CACNG3: variants seen among roughly 807,000 people sequenced by gnomAD.
CACNG3 encodes calcium voltage-gated channel auxiliary subunit gamma 3.
A neutral mutation model predicts 28.5 loss-of-function variants in CACNG3; 3 were observed. The observed-to-expected ratio is 0.11, with a 90% confidence interval of 0.05 to 0.27. The LOEUF (loss-of-function observed/expected upper bound fraction) is 0.27. Ranked by LOEUF, CACNG3 falls within the 10% of genes least tolerant of loss-of-function variation. The pLI, the probability that CACNG3 is intolerant of heterozygous loss-of-function variation, is 1.00. For synonymous variants in CACNG3, 174 were observed against 162.2 expected (o/e 1.07, Z -0.55); for missense variants, 236 against 414.4 (o/e 0.57, Z 3.74).
chr16:24,285,919 C>A (rs1367361273), intron 1 of CACNG3, among the ~76,000 whole-genome samples: 1 of 150,798 alleles, frequency 6.6e-6, no homozygotes, highest in Non-Finnish European at 1.5e-5. Flanking sequence ...TCTCAGCTCA[C>A]TGCCACCTCC....
intron 1 of CACNG3, among the ~76,000 whole-genome samples, chr16:24,290,372 A>G (rs1898950742): frequency 1.3e-5 from 2 of 152,214 alleles, no homozygotes; most frequent in South Asian, 4.1e-4. Flanking sequence ...GTAGTTCATA[A>G]GGTTGACCGT....
At chr16:24,299,748 G>T (rs369746841) in intron 1 of CACNG3, among the ~76,000 whole-genome samples, 1 of 152,090 alleles carries the variant, frequency 6.6e-6, no homozygotes, top group Non-Finnish European at 1.5e-5. Context: ...CCAGTATGAC[G>T]TGGTTCATTC....
At chr16:24,290,741 T>C (rs1898955671) in intron 1 of CACNG3, among the ~76,000 whole-genome samples, 1 of 152,108 alleles carries the variant, frequency 6.6e-6, no homozygotes. Flanking sequence ...ACCCAGCCTA[T>C]GGGTTGTTTT....
intron 1 of CACNG3, among the ~76,000 whole-genome samples, chr16:24,336,801 TTTGTTG>T (rs369517776): frequency 6.6e-6 from 1 of 151,904 alleles, no homozygotes; most frequent in Non-Finnish European, 1.5e-5. Flanking sequence ...GATTTTCTTT[TTTGTTG>T]TTGTTGTTGT....
chr16:24,311,759 G>A (rs1255541399), intron 1 of CACNG3, among the ~76,000 whole-genome samples: 1 of 151,938 alleles, frequency 6.6e-6, no homozygotes, highest in Non-Finnish European at 1.5e-5. Context: ...GGGAGGCTGA[G>A]GCAGGAGAAT....
intron 1 of CACNG3, among the ~76,000 whole-genome samples, chr16:24,267,797 G>A (rs1041964018): frequency 2.0e-5 from 3 of 152,068 alleles, no homozygotes; most frequent in Non-Finnish European, 4.4e-5. Flanking sequence ...AGCCACCCAA[G>A]TAGCTGGGAC....
chr16:24,281,354 T>A (rs748554876), intron 1 of CACNG3, among the ~76,000 whole-genome samples: 9 of 150,766 alleles, frequency 6.0e-5, no homozygotes, highest in Non-Finnish European at 1.2e-4. Flanking sequence ...TGCACCACCA[T>A]ACCCAGCTAA....
rs867074954 is a variant in CACNG3 at position 24,351,756 on chromosome 16, G to A, written c.296-3077G>A. On this transcript the variant is annotated intron_variant, in intron 2 of 3. Transcript: ENST00000005284. Reference sequence around the variant, plus strand: ...GAGAGAAAGGAAGGAAGGAAGGAAGGAAGAGAGAGAGAGAAAGAAAGATTG... The same window carrying A: ...GAGAGAAAGGAAGGAAGGAAGGAAGAAAGAGAGAGAGAGAAAGAAAGATTG... Among the ~76,000 whole-genome samples the A allele has an allele frequency of 6.7e-3, 130 of 19,530 alleles. 1 individual carries two copies. Among genetic ancestry groups the A allele is most frequent in the Admixed American group, 0.011 (23 of 2,084 alleles). 12.8% of individuals were successfully genotyped at this position (19,530 alleles called of 152,430 possible).
chr16:24,273,141 A>C (rs758006241), intron 1 of CACNG3, among the ~76,000 whole-genome samples: 1 of 152,194 alleles, frequency 6.6e-6, no homozygotes, highest in African/African-American at 2.4e-5. Context: ...ACATTAAATC[A>C]TATGGAAGGG....
intron 1 of CACNG3, among the ~76,000 whole-genome samples, chr16:24,308,839 CAAAAAAAAAA>C (rs71154298): frequency 6.6e-4 from 18 of 27,272 alleles, no homozygotes; most frequent in Middle Eastern, 0.038. Flanking sequence ...GAACCTACCT[CAAAAAAAAAA>C]AAAAAAAAAA....
chr16:24,317,589 A>AG, intron 1 of CACNG3, among the ~76,000 whole-genome samples: 1 of 68,196 alleles, frequency 1.5e-5, no homozygotes, highest in East Asian at 4.0e-4. Context: ...AAAGAAAGAA[A>AG]GAAAGAAAGA....
chr16:24,333,137 G>A (rs1282538639), intron 1 of CACNG3, among the ~76,000 whole-genome samples: 1 of 152,072 alleles, frequency 6.6e-6, no homozygotes, highest in African/African-American at 2.4e-5. Context: ...TTATGATCTT[G>A]TCAGGGAAGG....
intron 1 of CACNG3, among the ~76,000 whole-genome samples, chr16:24,344,068 T>A (rs1362241499): frequency 6.6e-6 from 1 of 151,030 alleles, no homozygotes; most frequent in African/African-American, 2.4e-5. Context: ...CGAGATTCCG[T>A]CTCAAAAAAA....
chr16:24,312,933 A>AAGAG (rs1899286752), intron 1 of CACNG3, among the ~76,000 whole-genome samples: 1 of 92,102 alleles, frequency 1.1e-5, no homozygotes. Flanking sequence ...GAAAGAAAGA[A>AAGAG]AGAAAGAAAG....
At chr16:24,308,603 C>T (rs1288277794) in intron 1 of CACNG3, among the ~76,000 whole-genome samples, 2 of 151,600 alleles carry the variant, frequency 1.3e-5, no homozygotes, top group Non-Finnish European at 2.9e-5. Context: ...ACCTGTAATC[C>T]CAGCACTTTG....
chr16:24,355,379 G>GA (rs1900016352), intron 3 of CACNG3, among the ~76,000 whole-genome samples: 1 of 152,210 alleles, frequency 6.6e-6, no homozygotes, highest in African/African-American at 2.4e-5. Flanking sequence ...TTCGAGACCA[G>GA]CTGGGCAGCA....
At chr16:24,273,390 G>A (rs1055224199) in intron 1 of CACNG3, among the ~76,000 whole-genome samples, 3 of 151,962 alleles carry the variant, frequency 2.0e-5, no homozygotes, top group Admixed American at 6.6e-5. Context: ...TTAAAATAAC[G>A]CACATCTTCA....
chr16:24,309,604 C>G (rs1281786281), intron 1 of CACNG3, among the ~76,000 whole-genome samples: 2 of 152,108 alleles, frequency 1.3e-5, no homozygotes, highest in South Asian at 2.1e-4. Flanking sequence ...GTGCCTGGTG[C>G]CTGGTGGGAT....
intron 1 of CACNG3, among the ~76,000 whole-genome samples, chr16:24,303,704 G>A (rs1899145071): frequency 6.6e-6 from 1 of 152,130 alleles, no homozygotes; most frequent in Non-Finnish European, 1.5e-5. Flanking sequence ...GATCACCTGA[G>A]CTCAGGAGTT....
Sources: gnomAD v4.1 joint callset for allele counts (sites outside exome capture counted in the v4.1 genomes callset) on GRCh38, gnomAD v4.1.1 for gene constraint, MANE v1.5 for transcripts, NCBI Gene and HGNC (gene_info 2026-07-23, HGNC 2026-07-21) for gene names.